VAT1L: variants seen among roughly 807,000 people sequenced by gnomAD.
VAT1L encodes the protein putative NADPH-dependent quinone oxidoreductase VAT1L.
VAT1L carries 34 observed loss-of-function variants against 44.1 expected under a neutral mutation model. That is an observed-to-expected ratio of 0.77 (90% CI 0.59 to 1.03). The LOEUF (loss-of-function observed/expected upper bound fraction) is 1.03, where lower values mean the gene tolerates loss of function less well. Ranked by LOEUF, VAT1L falls within the 50% of genes least tolerant of loss-of-function variation. VAT1L has a pLI of 0.00. For synonymous variants in VAT1L, 253 were observed against 202.2 expected (o/e 1.25, Z -2.13); for missense variants, 615 against 538.8 (o/e 1.14, Z -1.40).
chr16:77,947,695 G>C (rs991637015), intron 7 of VAT1L, among the ~76,000 whole-genome samples: 1 of 152,180 alleles, frequency 6.6e-6, no homozygotes, highest in Admixed American at 6.5e-5. Flanking sequence ...AATGCATTCA[G>C]TCCTTTCAGA....
chr16:77,828,470 C>A (rs2016547267), intron 3 of VAT1L, among the ~76,000 whole-genome samples: 1 of 152,106 alleles, frequency 6.6e-6, no homozygotes, highest in Non-Finnish European at 1.5e-5. Flanking sequence ...TCGAGACCAG[C>A]CTGGCCAACG....
chr16:77,860,216 G>C (rs911823159), intron 3 of VAT1L, among the ~76,000 whole-genome samples: 1 of 152,200 alleles, frequency 6.6e-6, no homozygotes, highest in East Asian at 1.9e-4. Flanking sequence ...AATTTCTGAT[G>C]TTTAAGCCAC....
At chr16:77,896,053 G>A (rs2017321133) in intron 7 of VAT1L, among the ~76,000 whole-genome samples, 1 of 152,196 alleles carries the variant, frequency 6.6e-6, no homozygotes, top group Admixed American at 6.5e-5. Flanking sequence ...ACAGAGTGAT[G>A]GGGAGGCTGA....
chr16:77,968,027 T>C (rs112662609), intron 7 of VAT1L, among the ~76,000 whole-genome samples: 158 of 152,312 alleles, frequency 1.0e-3, no homozygotes, highest in African/African-American at 3.6e-3. Flanking sequence ...GGGTACATTA[T>C]CTGTAAAATG....
intron 7 of VAT1L, among the ~76,000 whole-genome samples, chr16:77,897,938 C>T (rs921435979): frequency 6.6e-6 from 1 of 152,160 alleles, no homozygotes; most frequent in African/African-American, 2.4e-5. Flanking sequence ...GTACCACAAG[C>T]CAAGGGGCTT....
chr16:77,923,747 C>T (rs552323117), intron 7 of VAT1L, among the ~76,000 whole-genome samples: 2 of 152,276 alleles, frequency 1.3e-5, no homozygotes, highest in South Asian at 2.1e-4. Context: ...TGGCTTCACA[C>T]AGTTTTTGAA....
rs2018355939 is a variant in VAT1L at position 77,977,674 on chromosome 16, G to C, written c.1239G>C (p.Glu413Asp). The C allele has an allele frequency of 6.2e-7, 1 of 1,613,980 alleles. No homozygotes were observed. The highest frequency in any genetic ancestry group is 1.7e-5 in the Admixed American group (1 of 59,996). The change falls in exon 9 of 9, where the codon GAG becomes GAC. Residue 413 changes from glutamate to aspartate, a missense_variant. By Grantham distance (45) the Glu-to-Asp change is conservative. Coordinates refer to ENST00000302536, the MANE Select transcript of VAT1L (RefSeq NM_020927.3). ...EDHEGDSENK[E>D]RMPFIQ ...ACGAGGGAGACAGCGAGAACAAGGA[G>C]CGGATGCCCTTTATCCAGTAACTGA...
intron 7 of VAT1L, among the ~76,000 whole-genome samples, chr16:77,962,245 C>A (rs1391073199): frequency 6.6e-6 from 1 of 152,196 alleles, no homozygotes; most frequent in East Asian, 1.9e-4. Context: ...GGGGTCCTGC[C>A]CATGTAGTGG....
At chr16:77,858,141 G>T (rs796518205) in intron 3 of VAT1L, among the ~76,000 whole-genome samples, 4 of 152,296 alleles carry the variant, frequency 2.6e-5, no homozygotes, top group African/African-American at 7.2e-5. Flanking sequence ...CACAGATGGG[G>T]CAGGCAGAAG....
intron 7 of VAT1L, among the ~76,000 whole-genome samples, chr16:77,919,424 G>A (rs2017587347): frequency 6.6e-6 from 1 of 152,160 alleles, no homozygotes; most frequent in Non-Finnish European, 1.5e-5. Context: ...AGTGTTGCCA[G>A]GCAGCCTATT....
At chr16:77,939,533 T>C (rs975839087) in intron 7 of VAT1L, among the ~76,000 whole-genome samples, 5 of 152,164 alleles carry the variant, frequency 3.3e-5, no homozygotes, top group Admixed American at 2.6e-4. Flanking sequence ...GTGCTAGAAA[T>C]AGCCCCAGAA....
chr16:77,838,617 A>G (rs1318609913), intron 3 of VAT1L, among the ~76,000 whole-genome samples: 1 of 151,332 alleles, frequency 6.6e-6, no homozygotes, highest in Non-Finnish European at 1.5e-5. Context: ...CACCGCAACA[A>G]ACTGATCTAT....
chr16:77,951,858 A>G (rs2018047928), intron 7 of VAT1L, among the ~76,000 whole-genome samples: 1 of 150,982 alleles, frequency 6.6e-6, no homozygotes, highest in Admixed American at 6.6e-5. Flanking sequence ...AAAAAACACG[A>G]AAAAACAAAC....
rs532432636 is a variant in VAT1L at position 77,935,624 on chromosome 16, G to T, written c.1078-36226G>T. 4.6e-5 allele frequency among the ~76,000 whole-genome samples: 7 copies of T among 152,078 alleles called. No individual in the cohort carries two copies. In the South Asian group the frequency reaches 1.3e-3, roughly 27 times the overall value. On this transcript the variant is annotated intron_variant, in intron 7 of 8. Transcript: ENST00000302536. ...GGGACAGAGACGGAGAGGGATGAGT[G>T]GGGGGAAGAGAGAGAGAGAGAAGGG...
chr16:77,863,991 T>A (rs546349725), intron 4 of VAT1L, among the ~76,000 whole-genome samples: 2 of 152,286 alleles, frequency 1.3e-5, no homozygotes, highest in South Asian at 4.1e-4. Flanking sequence ...GCAAGATCAT[T>A]TGCTGGCTGT....
intron 3 of VAT1L, among the ~76,000 whole-genome samples, chr16:77,829,044 C>A (rs2016552287): frequency 6.6e-6 from 1 of 152,098 alleles, no homozygotes; most frequent in African/African-American, 2.4e-5. Context: ...CCAGCAGAGG[C>A]CTGAAGAAAA....
intron 1 of VAT1L, chr16:77,801,180 G>A (rs1310675210): frequency 8.3e-6 from 1 of 121,020 alleles, no homozygotes; most frequent in African/African-American, 2.9e-5. Context: ...TCTATGCTAA[G>A]TGTTCTATGG....
At chr16:77,800,069 T>G (rs1402239498) in intron 1 of VAT1L, 2 of 152,228 alleles carry the variant, frequency 1.3e-5, no homozygotes, top group Non-Finnish European at 2.9e-5. Context: ...AAATCTCTCC[T>G]AAGGCCTCTC....
At chr16:77,918,011 T>C (rs553037030) in intron 7 of VAT1L, among the ~76,000 whole-genome samples, 183 of 152,184 alleles carry the variant, frequency 1.2e-3, no homozygotes, top group Non-Finnish European at 2.1e-3. Context: ...GGCAGGGAAA[T>C]AGGGAAAGAA....
Sources: allele counts gnomAD v4.1 joint callset (sites outside exome capture counted in the v4.1 genomes callset), GRCh38; gene constraint gnomAD v4.1.1; transcripts MANE v1.5; gene names NCBI Gene and HGNC (gene_info 2026-07-23, HGNC 2026-07-21).